SPTBN1: variants seen among roughly 807,000 people sequenced by gnomAD.
SPTBN1 encodes spectrin beta chain, non-erythrocytic 1.
Under a neutral mutation model 266.4 loss-of-function variants are expected in SPTBN1, and 32 were observed. That is an observed-to-expected ratio of 0.12 (90% CI 0.09 to 0.16). The LOEUF (loss-of-function observed/expected upper bound fraction) is 0.16. SPTBN1 is among the 10% of genes least tolerant of loss of function. SPTBN1 has a pLI of 1.00. For synonymous variants in SPTBN1, 1,336 were observed against 1,162.2 expected, an observed-to-expected ratio of 1.15 and a Z score of -3.04; for missense variants, 2,296 against 3,067.1, an observed-to-expected ratio of 0.75 and a Z score of 5.94.
chr2:54,617,579 G>C, intron 5 of SPTBN1, 29 bp from the exon 6 acceptor site: 1 of 1,610,490 alleles, frequency 6.2e-7, no homozygotes, highest in South Asian at 1.1e-5. Flanking sequence ...TAATTGTGTT[G>C]CTTTTCCCTT....
chr2:54,645,450 G>C lies in SPTBN1; in HGVS notation c.4491G>C (p.Glu1497Asp). Reference protein sequence around the residue: ...IHQFNRDVEDEILWVGERMPL... With the variant: ...IHQFNRDVEDDILWVGERMPL... The stretch of plus-strand genomic sequence containing the variant: ...AGTTCAACAGGGATGTGGAGGACGA[G>C]ATCGTGAGTCGACCCCTACTGCACA... The change falls in exon 21 of 36, where the codon GAG (glutamate) becomes GAC (aspartate). Residue 1497 changes from glutamate to aspartate, a missense_variant. This residue lies in a region of SPTBN1 where 644 missense variants were observed against 745.3 expected (regional missense o/e 0.86). Transcript: ENST00000356805. This position sits in a 1 kb window ranked among gnomAD's most constrained non-coding sequence, Gnocchi z 4.3. 1 of 1,614,032 alleles carries C rather than the reference G, an allele frequency of 6.2e-7. No homozygotes were observed. Among genetic ancestry groups the C allele is most frequent in the Non-Finnish European group, 8.5e-7 (1 of 1,179,994 alleles).
At chr2:54,488,846 A>G (rs1233401320) in intron 1 of SPTBN1, among the ~76,000 whole-genome samples, 1 of 152,226 alleles carries the variant, frequency 6.6e-6, no homozygotes, top group Non-Finnish European at 1.5e-5. Flanking sequence ...CGCTTTGTAA[A>G]GAGACTAATC....
chr2:54,512,138 T>C (rs1163620171), intron 1 of SPTBN1, among the ~76,000 whole-genome samples: 40 of 152,306 alleles, frequency 2.6e-4, no homozygotes, highest in Non-Finnish European at 2.9e-5. Context: ...AAGCAAACTA[T>C]GGGGAACAGC....
chr2:54,577,047 C>T (rs1007491885), intron 2 of SPTBN1, among the ~76,000 whole-genome samples: 2 of 152,156 alleles, frequency 1.3e-5, no homozygotes, highest in African/African-American at 4.8e-5. Context: ...CTTGGGACAT[C>T]ATGCAAGTTT....
At chr2:54,658,099 C>T in intron 30 of SPTBN1, 53 bp downstream of exon 30, 1 of 1,602,150 alleles carries the variant, frequency 6.2e-7, no homozygotes, top group South Asian at 1.1e-5. Context: ...GCCTTTTCTT[C>T]CTGCTTGCCT....
At chr2:54,524,497 C>A (rs1336542568) in intron 1 of SPTBN1, among the ~76,000 whole-genome samples, 1 of 152,140 alleles carries the variant, frequency 6.6e-6, no homozygotes, top group African/African-American at 2.4e-5. Context: ...GCACATCCAC[C>A]TCTAAGCACA....
chr2:54,538,458 T>C (rs6761369), intron 2 of SPTBN1, among the ~76,000 whole-genome samples: 122,028 of 152,212 alleles, frequency 0.8, 49,477 homozygotes, highest in African/African-American at 0.93. Context: ...GTAACCTCTT[T>C]TGGGGAATAG....
chr2:54,629,330 C>A lies in SPTBN1; in HGVS notation c.2196C>A (p.Leu732=). ...IREQWANLEQ[L]SAIRKKRLEE... ...AGCAGTGGGCCAACCTAGAGCAGCT[C>A]TCGGCCATTCGGAAGAAGCGCCTGG... Residue 732 remains leucine (L), a synonymous_variant, in exon 14 of 36, where the codon CTC becomes CTA. Coordinates refer to ENST00000356805, the MANE Select transcript of SPTBN1 (RefSeq NM_003128.3). The A allele has an allele frequency of 1.2e-6, 2 of 1,614,034 alleles. No homozygotes were observed. The highest frequency in any genetic ancestry group is 1.7e-6 in the Non-Finnish European group (2 of 1,180,006).
chr2:54,605,958 G>A (rs1046738259), intron 3 of SPTBN1, among the ~76,000 whole-genome samples: 2 of 152,128 alleles, frequency 1.3e-5, no homozygotes, highest in African/African-American at 2.4e-5. Flanking sequence ...TTCAACCTGC[G>A]TGAATGTGTT....
At chr2:54,552,169 C>T (rs1325010184) in intron 2 of SPTBN1, among the ~76,000 whole-genome samples, 1 of 152,152 alleles carries the variant, frequency 6.6e-6, no homozygotes, top group African/African-American at 2.4e-5. Flanking sequence ...AACGCAACAT[C>T]GTGCAGCTGA....
At chr2:54,582,017 C>T (rs12713269) in intron 2 of SPTBN1, among the ~76,000 whole-genome samples, 11 of 151,916 alleles carry the variant, frequency 7.2e-5, no homozygotes, top group East Asian at 3.9e-4. Context: ...ACCGAGAATA[C>T]GCTAGCTCTG....
chr2:54,499,077 C>G (rs984699246), intron 1 of SPTBN1, among the ~76,000 whole-genome samples: 4 of 152,098 alleles, frequency 2.6e-5, no homozygotes, highest in Non-Finnish European at 5.9e-5. Context: ...CAGGTGTGTC[C>G]TGAGGCCCTC....
At chr2:54,470,932 TA>T (rs1345587106) in intron 1 of SPTBN1, among the ~76,000 whole-genome samples, 9 of 152,248 alleles carry the variant, frequency 5.9e-5, no homozygotes, top group African/African-American at 1.9e-4. Context: ...TAAACTTTCT[TA>T]AAACATTATG....
chr2:54,582,408 T>C (rs984742881), intron 2 of SPTBN1, among the ~76,000 whole-genome samples: 1 of 150,170 alleles, frequency 6.7e-6, no homozygotes, highest in South Asian at 2.1e-4. Flanking sequence ...TTTAGAAATA[T>C]GGAGGATTAG....
In SPTBN1 at chr2:54,631,013, C is replaced by G. The variant is rs761846870; in HGVS notation, c.2966C>G (p.Ala989Gly). 6.2e-7 allele frequency: 1 copy of G among 1,614,082 alleles called. No homozygotes were observed. Among genetic ancestry groups the G allele is most frequent in the Non-Finnish European group, 8.5e-7 (1 of 1,179,990 alleles). Residue 989 changes from alanine (A) to glycine (G), a missense_variant, in exon 16 of 36, where the codon GCT (alanine) becomes GGT (glycine). Physicochemically the swap from Ala to Gly is moderately conservative, Grantham distance 60 (BLOSUM62 0). Coordinates refer to ENST00000356805, the MANE Select transcript of SPTBN1 (RefSeq NM_003128.3). ...ACCCAGGACCTGGGCAATGACCTGGCTGGCGTCATGGCCCTGCAGCGCAAG... is the reference window on the plus strand; with the variant it reads ...ACCCAGGACCTGGGCAATGACCTGGGTGGCGTCATGGCCCTGCAGCGCAAG... Reference protein sequence around the residue: ...ESTQDLGNDLAGVMALQRKLT... With the variant: ...ESTQDLGNDLGGVMALQRKLT...
chr2:54,590,959 C>A (rs768899164), intron 2 of SPTBN1, among the ~76,000 whole-genome samples: 1 of 152,116 alleles, frequency 6.6e-6, no homozygotes, highest in Non-Finnish European at 1.5e-5. Context: ...GATTAGAATG[C>A]GGAGAGAGGC....
At chr2:54,488,869 C>G (rs912188366) in intron 1 of SPTBN1, among the ~76,000 whole-genome samples, 8 of 152,050 alleles carry the variant, frequency 5.3e-5, no homozygotes, top group Non-Finnish European at 1.0e-4. Flanking sequence ...AATAAACTTG[C>G]TTGTATACAA....
At chr2:54,505,863 G>A (rs1055912149) in intron 1 of SPTBN1, among the ~76,000 whole-genome samples, 21 of 152,042 alleles carry the variant, frequency 1.4e-4, no homozygotes, top group African/African-American at 3.1e-4. Flanking sequence ...GGTGGCTCAC[G>A]CCTGTAATCC....
intron 1 of SPTBN1, among the ~76,000 whole-genome samples, chr2:54,513,206 A>G (rs1363989850): frequency 6.6e-6 from 1 of 152,194 alleles, no homozygotes; most frequent in African/African-American, 2.4e-5. Context: ...AAGAAACCAC[A>G]CTAGAACAGA....
Sources: gnomAD v4.1 joint callset for allele counts (sites outside exome capture counted in the v4.1 genomes callset) on GRCh38, gnomAD v4.1.1 for gene constraint, gnomAD v4.1.1 regional missense constraint, Gnocchi (gnomAD v3.1) non-coding constraint, MANE v1.5 for transcripts, NCBI Gene and HGNC (gene_info 2026-07-23, HGNC 2026-07-21) for gene names.